The following CRISPLD2 variants were observed in gnomAD, a reference collection of about 807,000 sequenced individuals.
CRISPLD2 encodes cysteine rich secretory protein LCCL domain containing 2, also known as cysteine-rich secretory protein LCCL domain-containing 2.
A neutral mutation model predicts 71.1 loss-of-function variants in CRISPLD2; 47 were observed. The observed-to-expected ratio is 0.66, with a 90% confidence interval of 0.52 to 0.84. The LOEUF (loss-of-function observed/expected upper bound fraction) is 0.84, where lower values mean the gene tolerates loss of function less well. Among genes scored for constraint, CRISPLD2 ranks in the 40% least tolerant of loss-of-function variants. The pLI is 0.00. For missense variants in CRISPLD2, 830 were observed against 651.1 expected, an observed-to-expected ratio of 1.27 and a Z score of -2.99; for synonymous variants, 317 against 250.1, an observed-to-expected ratio of 1.27 and a Z score of -2.52.
intron 1 of CRISPLD2, among the ~76,000 whole-genome samples, chr16:84,829,931 T>C (rs925786703): frequency 1.3e-5 from 2 of 152,230 alleles, no homozygotes; most frequent in Non-Finnish European, 2.9e-5. Flanking sequence ...GATGAACATT[T>C]GCTGGGGGCA....
chr16:84,854,948 GA>G, intron 6 of CRISPLD2, 119 bp downstream of exon 6: 1 of 769,594 alleles, frequency 1.3e-6, no homozygotes, highest in Non-Finnish European at 2.3e-6. Context: ...CCCTATTTAA[GA>G]CGCTCTCAGC....
chr16:84,854,939 C>G (rs2143231621), intron 6 of CRISPLD2, 110 bp downstream of exon 6: 1 of 816,062 alleles, frequency 1.2e-6, no homozygotes. Context: ...CCCTCCTGGC[C>G]CTATTTAAGA....
At chr16:84,828,294 C>A (rs1183790983) in intron 1 of CRISPLD2, 1 of 152,118 alleles carries the variant, frequency 6.6e-6, no homozygotes, top group Admixed American at 6.6e-5. Flanking sequence ...CCATTAAGTT[C>A]CTGGGATTCT....
chr16:84,861,134 C>T (rs1342777635), intron 6 of CRISPLD2, among the ~76,000 whole-genome samples: 1 of 152,134 alleles, frequency 6.6e-6, no homozygotes, highest in African/African-American at 2.4e-5. Context: ...ATGCCAAGGA[C>T]TCCCAGTGTT....
chr16:84,873,506 C>CAAAAACAAA (rs2071491110), intron 10 of CRISPLD2: 1 of 112,190 alleles, frequency 8.9e-6, no homozygotes, highest in Non-Finnish European at 1.7e-5. Flanking sequence ...ACAACAACAA[C>CAAAAACAAA]AAAAAAAAAA....
rs369151118 is a variant in CRISPLD2, at chr16:84,880,556, C to T, written c.1277C>T (p.Pro426Leu). The T allele has an allele frequency of 8.1e-5, 130 of 1,613,858 alleles. No individual in the cohort carries two copies. The highest frequency in any genetic ancestry group is 1.9e-4 in the African/African-American group (14 of 75,008). The change falls in exon 13 of 15, where the codon CCG becomes CTG. Residue 426 changes from proline (P) to leucine (L), a missense_variant. Coordinates refer to ENST00000262424, the MANE Select transcript of CRISPLD2 (RefSeq NM_031476.4). ...AAAGACGAACCTTCCTACTGGGCTCCGGTGTTTGGAACCAACATCTATGCA... is the reference window on the plus strand; with the variant it reads ...AAAGACGAACCTTCCTACTGGGCTCTGGTGTTTGGAACCAACATCTATGCA... Reference protein sequence around the residue: ...HCKDEPSYWAPVFGTNIYADT... With the variant: ...HCKDEPSYWALVFGTNIYADT...
At position 84,854,751 on chromosome 16, in the gene CRISPLD2, C is replaced by G. The variant is rs1177692639; in HGVS notation, c.631C>G (p.Pro211Ala). ...CAGGGGGAACTGGATTGGAGAAGCCCCCTACAAGAATGGCCGGCCCTGCTC... is the reference window on the plus strand; with the variant it reads ...CAGGGGGAACTGGATTGGAGAAGCCGCCTACAAGAATGGCCGGCCCTGCTC... Reference protein sequence around the residue: ...SPKGNWIGEAPYKNGRPCSEC... With the variant: ...SPKGNWIGEAAYKNGRPCSEC... Residue 211 changes from proline to alanine, a missense_variant, in exon 6 of 15, where the codon CCC becomes GCC. By Grantham distance (27) the Pro-to-Ala change is conservative (BLOSUM62 -1). Transcript: ENST00000262424. 6.2e-7 allele frequency: 1 copy of G among 1,614,072 alleles called. No individual in the cohort carries two copies. The highest frequency in any genetic ancestry group is 1.1e-5 in the South Asian group (1 of 91,082).
intron 14 of CRISPLD2, among the ~76,000 whole-genome samples, chr16:84,899,175 C>T (rs1016715861): frequency 6.6e-6 from 1 of 152,142 alleles, no homozygotes; most frequent in Non-Finnish European, 1.5e-5. Flanking sequence ...CAGGTGTGAG[C>T]CACTGTGCCC....
chr16:84,864,254 G>A (rs1251459736), intron 6 of CRISPLD2, among the ~76,000 whole-genome samples: 1 of 152,208 alleles, frequency 6.6e-6, no homozygotes, highest in African/African-American at 2.4e-5. Context: ...GAGGTACTCG[G>A]ATCCAGCCCA....
intron 1 of CRISPLD2, among the ~76,000 whole-genome samples, chr16:84,820,738 G>A (rs144759236): frequency 1.1e-4 from 16 of 152,310 alleles, no homozygotes; most frequent in African/African-American, 3.6e-4. Flanking sequence ...AGCTTCAAAT[G>A]GATGTGTAGA....
intron 13 of CRISPLD2, among the ~76,000 whole-genome samples, chr16:84,882,193 G>C (rs759403621): frequency 4.6e-5 from 7 of 152,042 alleles, no homozygotes; most frequent in Non-Finnish European, 1.0e-4. Context: ...TGAAAAGCAA[G>C]AGTGGCAATA....
intron 6 of CRISPLD2, among the ~76,000 whole-genome samples, chr16:84,866,521 C>T (rs561742860): frequency 5.3e-5 from 8 of 152,186 alleles, no homozygotes; most frequent in African/African-American, 1.4e-4. Context: ...CAGGCATGAG[C>T]CACCGCACCC....
At chr16:84,837,542 A>G (rs992121856) in intron 1 of CRISPLD2, among the ~76,000 whole-genome samples, 4 of 151,256 alleles carry the variant, frequency 2.6e-5, no homozygotes, top group Admixed American at 1.3e-4. Context: ...TCAGCCTCCC[A>G]AGTAGCTGGG....
chr16:84,846,025 T>A (rs1916905693), intron 3 of CRISPLD2, 121 bp downstream of exon 3: 3 of 612,898 alleles, frequency 4.9e-6, no homozygotes, highest in Admixed American at 3.1e-5. Flanking sequence ...ACCCGTCCCA[T>A]CGATATTCTG....
At chr16:84,845,705 G>A (rs1246363938) in intron 2 of CRISPLD2, 81 bp from the exon 3 acceptor site, 34 of 929,060 alleles carry the variant, frequency 3.7e-5, no homozygotes, top group Non-Finnish European at 5.3e-5. Flanking sequence ...AGGAGCCCAG[G>A]CTGGGGCGTT....
chr16:84,873,273 T>C, intron 10 of CRISPLD2, 151 bp downstream of exon 10: 3 of 802,764 alleles, frequency 3.7e-6, no homozygotes, highest in Non-Finnish European at 5.7e-6. Context: ...AGGTCAGGAG[T>C]TCAAGACCAG....
At chr16:84,857,881 T>C (rs1917283736) in intron 6 of CRISPLD2, among the ~76,000 whole-genome samples, 1 of 152,172 alleles carries the variant, frequency 6.6e-6, no homozygotes, top group Admixed American at 6.5e-5. Flanking sequence ...ATCACACATA[T>C]GCCACTTCCA....
At chr16:84,827,641 T>C (rs1916387319) in intron 1 of CRISPLD2, among the ~76,000 whole-genome samples, 1 of 151,616 alleles carries the variant, frequency 6.6e-6, no homozygotes, top group Non-Finnish European at 1.5e-5. Flanking sequence ...ATCTCAGCTC[T>C]TTGCAACCTT....
At chr16:84,889,110 G>A (rs1265185361) in intron 13 of CRISPLD2, 120 bp from the exon 14 acceptor site, 49 of 1,229,372 alleles carry the variant, frequency 4.0e-5, no homozygotes, top group Non-Finnish European at 5.3e-5. Flanking sequence ...ATTTCCTAAG[G>A]GTTGATGGGG....
Sources: gnomAD v4.1 joint callset for allele counts (sites outside exome capture counted in the v4.1 genomes callset) on GRCh38, gnomAD v4.1.1 for gene constraint, MANE v1.5 for transcripts, NCBI Gene and HGNC (gene_info 2026-07-23, HGNC 2026-07-21) for gene names.